The following VPS54 variants were observed in gnomAD, a reference collection of about 807,000 sequenced individuals.
VPS54 encodes VPS54 subunit of GARP complex, also known as vacuolar protein sorting-associated protein 54.
VPS54 carries 45 observed loss-of-function variants against 121.5 expected under a neutral mutation model. That is an observed-to-expected ratio of 0.37 (90% CI 0.29 to 0.47). The LOEUF is 0.47. VPS54 is among the 20% of genes least tolerant of loss of function. The probability of loss-of-function intolerance (pLI) is 0.99; values close to 1 mark genes in which losing one functional copy is unlikely to be tolerated. For synonymous variants in VPS54, 371 were observed against 385.8 expected, an observed-to-expected ratio of 0.96 and a Z score of 0.45; for missense variants, 1,090 against 1,131.4, an observed-to-expected ratio of 0.96 and a Z score of 0.52.
intron 1 of VPS54, among the ~76,000 whole-genome samples, chr2:64,014,607 A>G (rs1262743914): frequency 1.3e-5 from 2 of 152,242 alleles, no homozygotes; most frequent in Non-Finnish European, 2.9e-5. Flanking sequence ...GCTGTCAGCC[A>G]TCACTATTCT....
intron 12 of VPS54, among the ~76,000 whole-genome samples, chr2:63,931,416 A>G (rs1381899092): frequency 2.6e-5 from 4 of 152,220 alleles, no homozygotes; most frequent in Non-Finnish European, 5.9e-5. Context: ...AAGATTCCCT[A>G]TTTGATAAAT....
At chr2:63,949,537 C>T (rs1201141005) in intron 7 of VPS54, among the ~76,000 whole-genome samples, 1 of 152,116 alleles carries the variant, frequency 6.6e-6, no homozygotes, top group Non-Finnish European at 1.5e-5. Flanking sequence ...GTACCATATA[C>T]TATATTCTTA....
intron 20 of VPS54, among the ~76,000 whole-genome samples, chr2:63,899,989 A>G (rs2104402245): frequency 6.6e-6 from 1 of 152,338 alleles, no homozygotes; most frequent in East Asian, 1.9e-4. Flanking sequence ...AAGTACTCAA[A>G]AAATTGTTAG....
chr2:63,943,063 C>G (rs1384489719), intron 10 of VPS54, among the ~76,000 whole-genome samples: 1 of 152,154 alleles, frequency 6.6e-6, no homozygotes, highest in Admixed American at 6.5e-5. Flanking sequence ...ATTTTCTCAT[C>G]TAACATGAGG....
At chr2:63,990,324 G>A (rs995823450) in intron 1 of VPS54, among the ~76,000 whole-genome samples, 27 of 149,816 alleles carry the variant, frequency 1.8e-4, no homozygotes, top group Middle Eastern at 3.4e-3. Flanking sequence ...AAGCTCCCGC[G>A]GCCACGACTC....
chr2:63,915,932 T>C (rs532899349), intron 16 of VPS54, among the ~76,000 whole-genome samples: 4 of 152,288 alleles, frequency 2.6e-5, no homozygotes, highest in South Asian at 4.1e-4. Context: ...TATACATAAA[T>C]AAACAATTCT....
At position 64,002,270 on chromosome 2, in the gene VPS54, C is replaced by G. The variant is rs555983182; in HGVS notation, c.-21+16668G>C. On this transcript the variant is annotated intron_variant, in intron 1 of 22. Coordinates refer to ENST00000272322, the MANE Select transcript of VPS54 (RefSeq NM_016516.3). ...ACTGTCTTTCCTATCCTGTTCAGTG[C>G]TTCTTTGGGCAATATGAAGTTAAAA... Among the ~76,000 whole-genome samples, 16 of 152,288 alleles carry G rather than the reference C, an allele frequency of 1.1e-4. No homozygotes were observed. In the East Asian group the frequency reaches 2.9e-3, roughly 28 times the overall value.
At chr2:63,965,703 G>A (rs926073100) in intron 6 of VPS54, 132 bp downstream of exon 6, 1 of 1,280,908 alleles carries the variant, frequency 7.8e-7, no homozygotes, top group Non-Finnish European at 1.1e-6. Flanking sequence ...AGATTGGGAG[G>A]CTTATAGTTA....
At chr2:63,927,143 A>G (rs1673943990) in intron 12 of VPS54, among the ~76,000 whole-genome samples, 1 of 152,132 alleles carries the variant, frequency 6.6e-6, no homozygotes, top group African/African-American at 2.4e-5. Context: ...GAGAGCTCTG[A>G]AGAGAGCTGT....
intron 20 of VPS54, among the ~76,000 whole-genome samples, chr2:63,910,188 A>G (rs1673088124): frequency 6.6e-6 from 1 of 152,232 alleles, no homozygotes; most frequent in Non-Finnish European, 1.5e-5. Context: ...CAAACTCCTG[A>G]GCAACACATG....
At chr2:64,011,775 T>A (rs994301251) in intron 1 of VPS54, among the ~76,000 whole-genome samples, 1 of 152,212 alleles carries the variant, frequency 6.6e-6, no homozygotes, top group African/African-American at 2.4e-5. Flanking sequence ...TATTCTCTTC[T>A]TGGTGTCCCA....
Position 63,893,346 on chromosome 2 carries a change from A to G in VPS54, c.*84T>C, listed in dbSNP as rs760818781. 2 of 1,228,302 alleles carry G rather than the reference A, an allele frequency of 1.6e-6. No homozygotes were observed. The highest frequency in any genetic ancestry group is 1.2e-6 in the Non-Finnish European group (1 of 828,682). The allele number at this position is 1,228,302 out of a possible 1,614,324, so 76.1% of individuals were successfully genotyped here. A position where few individuals can be genotyped will look rare whatever the true frequency, so the allele number is the denominator to read the frequency against. On this transcript the variant is annotated 3_prime_UTR_variant, in exon 23 of 23. Coordinates refer to ENST00000272322, the MANE Select transcript of VPS54 (RefSeq NM_016516.3). ...CAGTTCACTTTGGGTTTCAGGTTCA[A>G]TTCTCGAATCACAGGCATCCAGATT...
chr2:63,964,556 C>T (rs1411920967), intron 6 of VPS54, among the ~76,000 whole-genome samples: 2 of 152,172 alleles, frequency 1.3e-5, no homozygotes, highest in Admixed American at 1.3e-4. Flanking sequence ...AAGCCTGTGT[C>T]TCTAAACCCA....
chr2:63,968,650 C>T (rs948149422), intron 5 of VPS54, among the ~76,000 whole-genome samples: 56 of 152,020 alleles, frequency 3.7e-4, no homozygotes, highest in African/African-American at 1.3e-3. Context: ...ACCCAGGAGA[C>T]GGAGGTTACA....
At chr2:64,001,980 C>A (rs1677903596) in intron 1 of VPS54, among the ~76,000 whole-genome samples, 1 of 152,182 alleles carries the variant, frequency 6.6e-6, no homozygotes, top group Non-Finnish European at 1.5e-5. Flanking sequence ...CCCCGGCACA[C>A]CTCAGCCCAC....
At chr2:64,013,595 AAT>A (rs1678533485) in intron 1 of VPS54, among the ~76,000 whole-genome samples, 1 of 146,786 alleles carries the variant, frequency 6.8e-6, no homozygotes, top group Non-Finnish European at 1.5e-5. Context: ...AATATATATC[AAT>A]ATATATCATA....
intron 6 of VPS54, among the ~76,000 whole-genome samples, chr2:63,965,591 A>G (rs1055469110): frequency 3.9e-5 from 6 of 152,242 alleles, no homozygotes; most frequent in African/African-American, 1.4e-4. Context: ...AAATTCCATC[A>G]ACTGCTCTTT....
At chr2:63,940,281 T>C (rs1012718129) in intron 11 of VPS54, among the ~76,000 whole-genome samples, 2 of 152,208 alleles carry the variant, frequency 1.3e-5, no homozygotes, top group Non-Finnish European at 2.9e-5. Flanking sequence ...AGTGAAGTAA[T>C]ACTTGACAGA....
intron 1 of VPS54, among the ~76,000 whole-genome samples, chr2:64,016,192 T>C (rs1294759897): frequency 1.3e-5 from 2 of 152,226 alleles, no homozygotes; most frequent in Admixed American, 6.5e-5. Flanking sequence ...CACTTTTACT[T>C]ATTGATTCCG....
Sources: allele counts gnomAD v4.1 joint callset (sites outside exome capture counted in the v4.1 genomes callset), GRCh38; gene constraint gnomAD v4.1.1; transcripts MANE v1.5; gene names NCBI Gene and HGNC (gene_info 2026-07-23, HGNC 2026-07-21).